DST: variants seen among roughly 807,000 people sequenced by gnomAD.
The protein encoded by DST is bullous pemphigoid antigen.
Under a neutral mutation model 875.2 loss-of-function variants are expected in DST, and 253 were observed. That is an observed-to-expected ratio of 0.29 (90% CI 0.26 to 0.32). DST has a LOEUF of 0.32. Ranked by LOEUF, DST falls within the 10% of genes least tolerant of loss-of-function variation. DST has a pLI of 1.00. For synonymous variants in DST, 3,124 were observed against 3,197.1 expected, an observed-to-expected ratio of 0.98 and a Z score of 0.77; for missense variants, 8,287 against 9,111.6, an observed-to-expected ratio of 0.91 and a Z score of 3.68.
chr6:56,471,093 T>C lies in DST; in HGVS notation c.22321+13A>G, dbSNP rs754319415. The C allele has an allele frequency of 3.9e-5, 63 of 1,609,386 alleles. No individual in the cohort carries two copies. The East Asian group carries it at 1.3e-3, about 34-fold the overall frequency. On this transcript the variant is annotated intron_variant, in intron 95 of 103. Coordinates refer to ENST00000680361, the MANE Select transcript of DST (RefSeq NM_001374736.1). ...AAATTGTATCAGTCATAGTCATCTG[T>C]CTTGGAACTTACTTGAGGAAAGAAT...
intron 3 of DST, among the ~76,000 whole-genome samples, chr6:56,884,214 T>A (rs1783566862): frequency 6.6e-6 from 1 of 152,156 alleles, no homozygotes. Context: ...AAGGCATACA[T>A]GTTACATTTG....
At chr6:56,543,274 G>A (rs961231948) in intron 61 of DST, among the ~76,000 whole-genome samples, 1 of 152,244 alleles carries the variant, frequency 6.6e-6, no homozygotes, top group Admixed American at 6.5e-5. Context: ...GCGATGCAAA[G>A]TGCAGATCAC....
chr6:56,616,472 T>A (rs201313894), intron 36 of DST: 2 of 1,614,128 alleles, frequency 1.2e-6, no homozygotes, highest in South Asian at 2.2e-5. Flanking sequence ...TTTCTTGACA[T>A]TGAGATTGGA....
intron 16 of DST, 51 bp downstream of exon 16, chr6:56,642,359 C>A (rs774054083): frequency 1.5e-6 from 2 of 1,298,040 alleles, no homozygotes; most frequent in Non-Finnish European, 1.1e-6. Flanking sequence ...TTCATCCAAA[C>A]GCACAGTGAC....
intron 2 of DST, among the ~76,000 whole-genome samples, chr6:56,939,209 G>A (rs943797283): frequency 4.6e-5 from 7 of 152,202 alleles, no homozygotes; most frequent in African/African-American, 1.7e-4. Flanking sequence ...AGTGAAGTGA[G>A]AATAACAAAG....
At chr6:56,812,616 G>A (rs1172659049) in intron 4 of DST, among the ~76,000 whole-genome samples, 1 of 152,194 alleles carries the variant, frequency 6.6e-6, no homozygotes, top group South Asian at 2.1e-4. Flanking sequence ...TGTCTTAAAT[G>A]TGGGACATTA....
At chr6:56,888,208 A>T (rs1785574447) in intron 3 of DST, among the ~76,000 whole-genome samples, 1 of 152,092 alleles carries the variant, frequency 6.6e-6, no homozygotes, top group South Asian at 2.1e-4. Context: ...TCAGCCTCCC[A>T]GTGTGCTGGG....
chr6:56,613,554 G>C (rs1024056307), intron 37 of DST, among the ~76,000 whole-genome samples: 40 of 152,192 alleles, frequency 2.6e-4, no homozygotes, highest in African/African-American at 8.9e-4. Flanking sequence ...CTAAACGTCA[G>C]ACAAGAGCAG....
chr6:56,954,550 T>C lies in DST; in HGVS notation c.38A>G (p.Tyr13Cys), dbSNP rs977737073. Residue 13 changes from tyrosine (Y) to cysteine (C), a missense_variant, in exon 1 of 104, where the codon TAC becomes TGC. By Grantham distance (194) the Tyr-to-Cys change is radical. Transcript: ENST00000680361. ...GAGGAAGAGGGCACATTGGATGCTG[T>C]AGGGTCTCAGCAAGACGAGGAAAGC... is the stretch of plus-strand genomic sequence containing the variant. ...AAAFLVLLRP[Y>C]SIQCALFLLL... is the part of the protein sequence containing the mutation. 1 of 1,366,800 alleles carries C rather than the reference T, an allele frequency of 7.3e-7. No homozygotes were observed. Among genetic ancestry groups the C allele is most frequent in the Non-Finnish European group, 9.8e-7 (1 of 1,021,610 alleles). The allele number at this position is 1,366,800 out of a possible 1,614,324, so 84.7% of individuals were successfully genotyped here.
intron 4 of DST, among the ~76,000 whole-genome samples, chr6:56,738,652 C>T (rs933544415): frequency 7.3e-5 from 11 of 151,600 alleles, no homozygotes; most frequent in Non-Finnish European, 1.5e-4. Flanking sequence ...GAGACAGTCT[C>T]GCTCTGTTGC....
rs748045236 is a variant in DST, at chr6:56,604,538, T to C, written c.10090A>G (p.Lys3364Glu). 1 of 1,612,470 alleles carries C rather than the reference T, an allele frequency of 6.2e-7. No homozygotes were observed. The highest frequency in any genetic ancestry group is 8.5e-7 in the Non-Finnish European group (1 of 1,179,084). ...DVKDILKSRL[K>E]EGHMNPQEVE... ...TCTTGAGGGTTCATATGACCTTCTT[T>C]CAACCTGCTTTTTAAGATATCCTTT... Residue 3364 changes from lysine (K) to glutamate (E), a missense_variant, in exon 40 of 104, where the codon AAA (lysine) becomes GAA (glutamate). Around this residue, in one of 10 missense-constraint regions of DST, gnomAD observed 3,138 missense variants for 3,116.6 expected, o/e 1.01. Coordinates refer to ENST00000680361, the MANE Select transcript of DST (RefSeq NM_001374736.1).
In DST at chr6:56,620,727, AT is replaced by A. The variant is rs2098683167; in HGVS notation, c.4929+3802del. The A allele has an allele frequency of 2.5e-6, 4 of 1,606,664 alleles. No individual in the cohort carries two copies. The highest frequency in any genetic ancestry group is 3.3e-4 in the Middle Eastern group (2 of 6,072). ...TTACACCTTTTAATCTACAAAAGAC[AT>A]TTTGAAAGTGTCAAGCCTGTTCTGT... On this transcript the variant is annotated intron_variant, in intron 36 of 103. Coordinates refer to ENST00000680361, the MANE Select transcript of DST (RefSeq NM_001374736.1).
chr6:56,736,617 CT>C (rs1327517200), intron 4 of DST, among the ~76,000 whole-genome samples: 9 of 152,174 alleles, frequency 5.9e-5, no homozygotes, highest in Non-Finnish European at 1.3e-4. Flanking sequence ...CTTTCTTCAT[CT>C]CTTTTTCTCC....
intron 10 of DST, among the ~76,000 whole-genome samples, chr6:56,669,001 T>C (rs1468989861): frequency 6.6e-6 from 1 of 152,046 alleles, no homozygotes; most frequent in Non-Finnish European, 1.5e-5. Flanking sequence ...TTATTAGCAG[T>C]ATAAACTTGG....
chr6:56,545,922 G>A lies in DST; in HGVS notation c.16608+6262C>T, dbSNP rs116430155. On this transcript the variant is annotated intron_variant, in intron 61 of 103. Transcript: ENST00000680361. Reference sequence around the variant, plus strand: ...AAATTGTTCTTTCTAAAACAAATAAGCCATTAGCTAATGAAAACTGAAGGC... The same window carrying A: ...AAATTGTTCTTTCTAAAACAAATAAACCATTAGCTAATGAAAACTGAAGGC... Among the ~76,000 whole-genome samples the A allele has an allele frequency of 1.5e-3, 221 of 152,142 alleles. 1 individual carries two copies. Among genetic ancestry groups the A allele is most frequent in the African/African-American group, 5.1e-3 (210 of 41,512 alleles).
intron 49 of DST, among the ~76,000 whole-genome samples, chr6:56,586,423 G>A (rs866940631): frequency 6.6e-6 from 1 of 151,170 alleles, no homozygotes. Flanking sequence ...TGCAACCCCT[G>A]CCTTTTTTTG....
At chr6:56,505,846 C>G (rs1300505644) in intron 77 of DST, among the ~76,000 whole-genome samples, 1 of 151,676 alleles carries the variant, frequency 6.6e-6, no homozygotes, top group African/African-American at 2.4e-5. Context: ...TAAAAAAAAA[C>G]CTTATAAATG....
chr6:56,515,477 A>G lies in DST; in HGVS notation c.18549T>C (p.Thr6183=). 6.2e-7 allele frequency: 1 copy of G among 1,613,778 alleles called. No individual in the cohort carries two copies. ...GATGTTCTTCCTGCTGCTGCCTTAG[A>G]GTTTCATATTCAAGGGCTGGGGCGG... ...QLPAPALEYE[T]LRQQQEEHRQ... The change falls in exon 72 of 104, where the codon ACT becomes ACC. Residue 6183 remains threonine (T), a synonymous_variant. Coordinates refer to ENST00000680361, the MANE Select transcript of DST (RefSeq NM_001374736.1).
intron 2 of DST, among the ~76,000 whole-genome samples, chr6:56,943,953 C>T (rs921586117): frequency 1.3e-5 from 2 of 151,516 alleles, no homozygotes; most frequent in Non-Finnish European, 2.9e-5. Context: ...CTTGTCTCTA[C>T]TAAAAATATA....
Sources: gnomAD v4.1 joint callset for allele counts (sites outside exome capture counted in the v4.1 genomes callset) on GRCh38, gnomAD v4.1.1 for gene constraint, gnomAD v4.1.1 regional missense constraint, MANE v1.5 for transcripts, NCBI Gene and HGNC (gene_info 2026-07-23, HGNC 2026-07-21) for gene names.